MIAT: variants seen among roughly 807,000 people sequenced by gnomAD.
MIAT encodes MI related novel mRNA.
At chr22:26,650,758 G>T (rs1454027427) in intron 2 of MIAT, among the ~76,000 whole-genome samples, 2 of 152,150 alleles carry the variant, frequency 1.3e-5, no homozygotes, top group African/African-American at 4.8e-5. Flanking sequence ...CTGGCTGAGG[G>T]GTGGTACATC....
chr22:26,657,610 C>T (rs1930510485), intron 2 of MIAT: 1 of 398,612 alleles, frequency 2.5e-6, no homozygotes, highest in African/African-American at 2.1e-5. Flanking sequence ...TGAGCCGGGG[C>T]ACAAAGAGCC....
chr22:26,653,326 G>A (rs969888777), intron 2 of MIAT, among the ~76,000 whole-genome samples: 8 of 152,170 alleles, frequency 5.3e-5, no homozygotes, highest in South Asian at 2.1e-4. Context: ...CTCAGTTCAC[G>A]GCTTGTCCCG....
chr22:26,669,796 G>C (rs1930980006), downstream of MIAT: 1 of 398,832 alleles, frequency 2.5e-6, no homozygotes, highest in African/African-American at 2.1e-5. Context: ...TGCTTCGGAG[G>C]ACATATGGAA....
chr22:26,675,895 G>T (rs972899769), exon 5 of MIAT: 5 of 398,554 alleles, frequency 1.3e-5, no homozygotes, highest in Admixed American at 4.4e-5. Context: ...GAGGCAGAAG[G>T]ATTGGGACTA....
At chr22:26,661,348 TGATCA>T (rs1303657456) in intron 2 of MIAT, among the ~76,000 whole-genome samples, 3 of 152,172 alleles carry the variant, frequency 2.0e-5, no homozygotes, top group Non-Finnish European at 4.4e-5. Context: ...CATCCCACTC[TGATCA>T]GATCAGATGA....
At chr22:26,665,254 A>AGAAAGAAAGAAAGAAAGAAAGAAG (rs1199526566) in intron 3 of MIAT, among the ~76,000 whole-genome samples, 32 of 35,476 alleles carry the variant, frequency 9.0e-4, no homozygotes, top group African/African-American at 2.4e-3. Flanking sequence ...AAAAAAAGAA[A>AGAAAGAAAGAAAGAAAGAAAGAAG]GAAAGAAAGA....
At chr22:26,657,594 G>A (rs2146002488) in intron 2 of MIAT, 1 of 398,728 alleles carries the variant, frequency 2.5e-6, no homozygotes, top group East Asian at 3.6e-5. Context: ...CCCCAGTTCT[G>A]CGCTGTGAGC....
At chr22:26,646,851 G>A in exon 1 of MIAT, 1 of 398,656 alleles carries the variant, frequency 2.5e-6, no homozygotes, top group African/African-American at 2.1e-5. Context: ...TGTGTCTGCA[G>A]AGAGGACCAC....
At chr22:26,670,075 T>C (rs1930989833), downstream of MIAT, 1 of 392,746 alleles carries the variant, frequency 2.5e-6, no homozygotes, top group Non-Finnish European at 4.5e-6. Flanking sequence ...TTTTTTTGGC[T>C]CTCTGGACTT....
intron 2 of MIAT, among the ~76,000 whole-genome samples, chr22:26,648,321 A>T (rs532199931): frequency 6.6e-6 from 1 of 152,200 alleles, no homozygotes; most frequent in Non-Finnish European, 1.5e-5. Flanking sequence ...AAAAGGCCAG[A>T]CAAAGAAGCA....
intron 3 of MIAT, among the ~76,000 whole-genome samples, chr22:26,664,467 C>G (rs1930775895): frequency 6.6e-6 from 1 of 152,172 alleles, no homozygotes; most frequent in Non-Finnish European, 1.5e-5. Context: ...TGGAACAGTT[C>G]GGTTACCCCA....
At chr22:26,669,571 A>G (rs1292149650) in exon 6 of MIAT, 14 of 398,528 alleles carry the variant, frequency 3.5e-5, no homozygotes, top group Non-Finnish European at 4.4e-6. Context: ...TCCCATCTCC[A>G]AAAACAGTCA....
chr22:26,672,729 T>A (rs886168216), downstream of MIAT: 1 of 398,914 alleles, frequency 2.5e-6, no homozygotes, highest in African/African-American at 2.1e-5. Flanking sequence ...CAGAGGGGCG[T>A]GTCCCACACC....
intron 2 of MIAT, among the ~76,000 whole-genome samples, chr22:26,649,770 G>A (rs563246291): frequency 1.1e-4 from 16 of 152,322 alleles, no homozygotes; most frequent in African/African-American, 3.8e-4. Context: ...AAAATTAGCT[G>A]GGTGTGGTGG....
intron 2 of MIAT, among the ~76,000 whole-genome samples, chr22:26,662,842 G>C (rs1051294394): frequency 6.6e-6 from 1 of 152,146 alleles, no homozygotes; most frequent in African/African-American, 2.4e-5. Flanking sequence ...ACTAAGAACA[G>C]TACATGCTGT....
chr22:26,672,268 C>T, downstream of MIAT: 1 of 399,144 alleles, frequency 2.5e-6, no homozygotes, highest in Non-Finnish European at 4.4e-6. Flanking sequence ...GGGCTGGTCC[C>T]CCTCCTTTTG....
intron 2 of MIAT, chr22:26,658,078 G>A: frequency 6.6e-6 from 1 of 151,514 alleles, no homozygotes; most frequent in Non-Finnish European, 1.5e-5. Context: ...CTCGGAACTG[G>A]AGGTGGGGGT....
intron 2 of MIAT, among the ~76,000 whole-genome samples, chr22:26,649,028 A>T (rs1930290606): frequency 6.6e-6 from 1 of 152,120 alleles, no homozygotes; most frequent in Non-Finnish European, 1.5e-5. Flanking sequence ...ATTCACAGGA[A>T]GGAGGAAAAA....
At chr22:26,659,480 C>T (rs919418891) in intron 2 of MIAT, among the ~76,000 whole-genome samples, 1 of 152,100 alleles carries the variant, frequency 6.6e-6, no homozygotes, top group African/African-American at 2.4e-5. Flanking sequence ...TCACAGTCCC[C>T]CAAAACAACC....
Sources: gnomAD v4.1 joint callset for allele counts (sites outside exome capture counted in the v4.1 genomes callset) on GRCh38, gnomAD v4.1.1 for gene constraint, MANE v1.5 for transcripts, NCBI Gene and HGNC (gene_info 2026-07-23, HGNC 2026-07-21) for gene names.